The following RGS20 variants were observed in gnomAD, a reference collection of about 807,000 sequenced individuals.
RGS20 encodes the protein regulator of G protein signaling 20.
Under a neutral mutation model 33.6 loss-of-function variants are expected in RGS20, and 30 were observed. The ratio of observed to expected loss-of-function variants is 0.89; its 90% CI spans 0.67 to 1.21. The LOEUF (loss-of-function observed/expected upper bound fraction) is 1.21. Among genes scored for constraint, RGS20 ranks in the 50% most tolerant of loss-of-function variants. RGS20 has a pLI of 0.00. For synonymous variants in RGS20, 208 were observed against 197.9 expected (o/e 1.05, Z -0.43); for missense variants, 472 against 502.4 (o/e 0.94, Z 0.58).
chr8:53,919,375 T>C lies in RGS20; in HGVS notation c.511-20201T>C, dbSNP rs145034025. On this transcript the variant is annotated intron_variant, in intron 2 of 5. Transcript: ENST00000297313. ...TTTTTTTTTTTTGAGACAGTCTTGC[T>C]CTGTCACCCCGTCTGGAGTGCAATG... 6.0e-3 allele frequency among the ~76,000 whole-genome samples: 910 copies of C among 150,518 alleles called. 9 individuals are homozygous for C. The highest frequency in any genetic ancestry group is 0.015 in the South Asian group (74 of 4,780).
At chr8:53,873,575 CT>C (rs771310733) in intron 1 of RGS20, among the ~76,000 whole-genome samples, 1 of 152,160 alleles carries the variant, frequency 6.6e-6, no homozygotes, top group Admixed American at 6.5e-5. Context: ...AATTCCACTC[CT>C]TTTTATGGCT....
At chr8:53,856,936 A>C (rs1811687261) in intron 1 of RGS20, among the ~76,000 whole-genome samples, 1 of 152,166 alleles carries the variant, frequency 6.6e-6, no homozygotes, top group Non-Finnish European at 1.5e-5. Context: ...CTACAAAGAC[A>C]ATGGAGCCTT....
intron 1 of RGS20, among the ~76,000 whole-genome samples, chr8:53,859,082 G>A (rs1811749395): frequency 1.3e-5 from 2 of 152,152 alleles, no homozygotes; most frequent in Non-Finnish European, 1.5e-5. Flanking sequence ...TGATGGACAT[G>A]AGGGTTCATG....
chr8:53,885,790 CT>C (rs1172257852), intron 2 of RGS20, among the ~76,000 whole-genome samples: 9,343 of 112,572 alleles, frequency 0.083, 347 homozygotes, highest in East Asian at 0.25. Context: ...GTATCTTACT[CT>C]TTTTTTTTTT....
In RGS20 at chr8:53,915,101, G is replaced by A. The variant is rs531274299; in HGVS notation, c.511-24475G>A. On this transcript the variant is annotated intron_variant, in intron 2 of 5. Coordinates refer to ENST00000297313, the MANE Select transcript of RGS20 (RefSeq NM_170587.4). ...CGAGGTTGCAGTGAGCCGAGATCGC[G>A]CCACTGCACTTCCAGCCTGGGCAAC... Among the ~76,000 whole-genome samples the A allele has an allele frequency of 4.0e-5, 6 of 151,220 alleles. No homozygotes were observed. The East Asian group carries it at 5.8e-4, about 15-fold the overall frequency.
intron 1 of RGS20, among the ~76,000 whole-genome samples, chr8:53,871,337 C>T (rs760921302): frequency 6.6e-6 from 1 of 151,922 alleles, no homozygotes; most frequent in Non-Finnish European, 1.5e-5. Context: ...CATTTAGTTC[C>T]AACCCATTTA....
intron 5 of RGS20, among the ~76,000 whole-genome samples, chr8:53,957,334 G>A (rs1814895981): frequency 6.6e-6 from 1 of 152,152 alleles, no homozygotes; most frequent in Non-Finnish European, 1.5e-5. Flanking sequence ...TGCCATGTTG[G>A]CCAGGCTGGT....
intron 1 of RGS20, among the ~76,000 whole-genome samples, chr8:53,861,753 G>A (rs1811813228): frequency 6.6e-6 from 1 of 152,188 alleles, no homozygotes; most frequent in South Asian, 2.1e-4. Context: ...AAGTTTGCTG[G>A]ATTAAAAAGT....
At chr8:53,876,573 T>C (rs1642669087) in intron 1 of RGS20, 1 of 152,272 alleles carries the variant, frequency 6.6e-6, no homozygotes, top group Non-Finnish European at 1.5e-5. Context: ...TGAAGGTCTT[T>C]CTGCAGATAA....
Position 53,939,660 on chromosome 8 carries a change from G to C in RGS20, c.595G>C (p.Gly199Arg), listed in dbSNP as rs145171609. ...ACCAGGCGCCGCCCCAGGCCAGCCCGGAGCGGGGAGTCGCGGGTCCAACGC... is the reference window on the plus strand; with the variant it reads ...ACCAGGCGCCGCCCCAGGCCAGCCCCGAGCGGGGAGTCGCGGGTCCAACGC... Residue 199 changes from glycine to arginine, a missense_variant, in exon 3 of 6, where the codon GGA becomes CGA. Coordinates refer to ENST00000297313, the MANE Select transcript of RGS20 (RefSeq NM_170587.4). The C allele has an allele frequency of 6.3e-7, 1 of 1,588,804 alleles. No homozygotes were observed. Among genetic ancestry groups the C allele is most frequent in the Non-Finnish European group, 8.6e-7 (1 of 1,168,322 alleles).
At chr8:53,945,204 T>A (rs1814438259) in intron 3 of RGS20, 1 of 152,222 alleles carries the variant, frequency 6.6e-6, no homozygotes, top group African/African-American at 2.4e-5. Flanking sequence ...ACAACCCGAA[T>A]GTCTATCTGC....
intron 1 of RGS20, among the ~76,000 whole-genome samples, chr8:53,857,986 C>T (rs1811716688): frequency 6.6e-6 from 1 of 151,348 alleles, no homozygotes; most frequent in African/African-American, 2.4e-5. Context: ...CACATTGTAC[C>T]CCATAAATAT....
At chr8:53,881,038 A>G in intron 2 of RGS20, 1 of 1,582,172 alleles carries the variant, frequency 6.3e-7, no homozygotes, top group Non-Finnish European at 8.5e-7. Context: ...GACGGAGGCG[A>G]GCCGGCCGGG....
At chr8:53,889,576 A>G (rs1013166385) in intron 2 of RGS20, among the ~76,000 whole-genome samples, 1 of 151,710 alleles carries the variant, frequency 6.6e-6, no homozygotes, top group Admixed American at 6.6e-5. Context: ...GGGAAGGGGT[A>G]GAGATGGGGT....
intron 2 of RGS20, among the ~76,000 whole-genome samples, chr8:53,882,576 G>C (rs890482518): frequency 2.7e-5 from 4 of 150,604 alleles, no homozygotes; most frequent in Non-Finnish European, 4.4e-5. Flanking sequence ...ATTCCTGTCC[G>C]TCTCGTAACT....
chr8:53,868,389 C>A (rs924815563), intron 1 of RGS20, among the ~76,000 whole-genome samples: 1 of 152,102 alleles, frequency 6.6e-6, no homozygotes, highest in East Asian at 1.9e-4. Flanking sequence ...TGTCAAGGAG[C>A]GTGACAGCCA....
Position 53,939,571 on chromosome 8 carries a change from T to TG in RGS20, c.511-4dup, listed in dbSNP as rs1563419370. 1 of 1,543,466 alleles carries TG rather than the reference T, an allele frequency of 6.5e-7. No individual in the cohort carries two copies. Among genetic ancestry groups the TG allele is most frequent in the Non-Finnish European group, 8.8e-7 (1 of 1,142,494 alleles). On this transcript the variant is annotated splice_region_variant and splice_polypyrimidine_tract_variant and intron_variant, in intron 2 of 5. Coordinates refer to ENST00000297313, the MANE Select transcript of RGS20 (RefSeq NM_170587.4). ...CCGCCCGCTTTGTTCCTCTCCCTCT[T>TG]GCAGCAGATGGGATCAGAGCGGATG...
At chr8:53,873,127 A>G (rs1203243550) in intron 1 of RGS20, among the ~76,000 whole-genome samples, 1 of 151,016 alleles carries the variant, frequency 6.6e-6, no homozygotes, top group Admixed American at 6.6e-5. Context: ...TCCCTCCTCT[A>G]CTCTATTTAT....
chr8:53,854,372 CAAA>C (rs1811629559), intron 1 of RGS20, among the ~76,000 whole-genome samples: 1 of 151,818 alleles, frequency 6.6e-6, no homozygotes, highest in Non-Finnish European at 1.5e-5. Context: ...TCTCAAAACT[CAAA>C]AGTAAAAGAC....
Sources: gnomAD v4.1 joint callset for allele counts (sites outside exome capture counted in the v4.1 genomes callset) on GRCh38, gnomAD v4.1.1 for gene constraint, MANE v1.5 for transcripts, NCBI Gene and HGNC (gene_info 2026-07-23, HGNC 2026-07-21) for gene names.